AJM1: variants seen among roughly 807,000 people sequenced by gnomAD.
AJM1 encodes the protein apical junction component 1 homolog, also known as uncharacterized protein C9orf172.
AJM1 carries 22 observed loss-of-function variants against 43.0 expected under a neutral mutation model. The observed-to-expected ratio is 0.51, with a 90% confidence interval of 0.37 to 0.73. The LOEUF is 0.73. Ranked by LOEUF, AJM1 falls within the 30% of genes least tolerant of loss-of-function variation. The pLI is 0.00. For synonymous variants in AJM1, 719 were observed against 638.3 expected, an observed-to-expected ratio of 1.13 and a Z score of -1.91; for missense variants, 1,305 against 1,343.3, an observed-to-expected ratio of 0.97 and a Z score of 0.45.
chr9:136,844,347 T>TC lies in AJM1; in HGVS notation c.-59-3dup, dbSNP rs1436298911. 4 of 1,353,382 alleles carry TC rather than the reference T, an allele frequency of 3.0e-6. No individual in the cohort carries two copies. Among genetic ancestry groups the TC allele is most frequent in the Admixed American group, 3.7e-5 (2 of 53,784 alleles). The allele number at this position is 1,353,382 out of a possible 1,614,324, so 83.8% of individuals were successfully genotyped here. A position where few individuals can be genotyped will look rare whatever the true frequency, so the allele number is the denominator to read the frequency against. On this transcript the variant is annotated splice_polypyrimidine_tract_variant and intron_variant, in intron 2 of 2. Coordinates refer to ENST00000436881, the MANE Select transcript of AJM1 (RefSeq NM_001080482.5). ...GGAGGGGGCCGCCCTGACCCGCGTC[T>TC]CCCCCCAGGGCAAAAGCCCCGCAAG...
In AJM1 at chr9:136,847,235, C is replaced by T. The variant is rs748276902; in HGVS notation, c.2821C>T (p.Pro941Ser). Residue 941 changes from proline to serine, a missense_variant, in exon 3 of 3, where the codon CCC (proline) becomes TCC (serine). Around this residue, in one of 6 missense-constraint regions of AJM1, gnomAD observed 116 missense variants for 113.4 expected, o/e 1.02. Coordinates refer to ENST00000436881, the MANE Select transcript of AJM1 (RefSeq NM_001080482.5). ...GCGCTTCACGCCCACCACCATCTAC[C>T]CCACGGACCGGCGCACCGGCCGCCC... is the stretch of plus-strand genomic sequence containing the variant. Reference protein sequence around the residue: ...NRRFTPTTIYPTDRRTGRPFM... With the variant: ...NRRFTPTTIYSTDRRTGRPFM... The T allele has an allele frequency of 8.7e-6, 14 of 1,605,178 alleles. No homozygotes were observed. The highest frequency in any genetic ancestry group is 9.3e-6 in the Non-Finnish European group (11 of 1,178,606).
chr9:136,845,095 G>A lies in AJM1; in HGVS notation c.681G>A (p.Val227=), dbSNP rs1393814024. 2 of 1,365,602 alleles carry A rather than the reference G, an allele frequency of 1.5e-6. No homozygotes were observed. The highest frequency in any genetic ancestry group is 2.0e-6 in the Non-Finnish European group (2 of 977,994). The allele number at this position is 1,365,602 out of a possible 1,614,324, so 84.6% of individuals were successfully genotyped here. The change falls in exon 3 of 3, where the codon GTG becomes GTA. Residue 227 remains valine, a synonymous_variant. Transcript: ENST00000436881. Reference sequence around the variant, plus strand: ...CCCCGCAGTTCCACGGCCTCACGGTGCCCGGGCCCCGCCACATGGCGCTGT... The same window carrying A: ...CCCCGCAGTTCCACGGCCTCACGGTACCCGGGCCCCGCCACATGGCGCTGT... ...RPAPQFHGLT[V]PGPRHMALSR...
intron 1 of AJM1, among the ~76,000 whole-genome samples, chr9:136,843,131 A>G (rs1848725922): frequency 6.6e-6 from 1 of 152,146 alleles, no homozygotes; most frequent in African/African-American, 2.4e-5. Context: ...GGACCCGGCC[A>G]GACCCCGAGA....
In AJM1 at chr9:136,845,388, G is replaced by C; in HGVS notation, c.974G>C (p.Gly325Ala). Reference sequence around the variant, plus strand: ...GGGCCCAGTCCAAGGCGCATGGGCGGCTACTACGCAGGAGAGGTGCGCACC... The same window carrying C: ...GGGCCCAGTCCAAGGCGCATGGGCGCCTACTACGCAGGAGAGGTGCGCACC... ...LSGPSPRRMG[G>A]YYAGEVRTFP... Residue 325 changes from glycine (G) to alanine (A), a missense_variant, in exon 3 of 3, where the codon GGC becomes GCC. Transcript: ENST00000436881. 3 of 1,612,392 alleles carry C rather than the reference G, an allele frequency of 1.9e-6. No individual in the cohort carries two copies. The highest frequency in any genetic ancestry group is 2.5e-6 in the Non-Finnish European group (3 of 1,179,804).
rs754007423 is a variant in AJM1 at position 136,846,518 on chromosome 9, G to A, written c.2104G>A (p.Asp702Asn). Residue 702 changes from aspartate (D) to asparagine (N), a missense_variant, in exon 3 of 3, where the codon GAC (aspartate) becomes AAC (asparagine). Asp to Asn is a conservative substitution (Grantham distance 23, BLOSUM62 1). This residue lies in a region of AJM1 where 391 missense variants were observed against 507.5 expected (regional missense o/e 0.77). Coordinates refer to ENST00000436881, the MANE Select transcript of AJM1 (RefSeq NM_001080482.5). Reference protein sequence around the residue: ...YYCSRLCRREDWDAHKARCVY... With the variant: ...YYCSRLCRRENWDAHKARCVY... ...CTGCTCGCGCCTGTGCCGCCGCGAG[G>A]ACTGGGACGCCCACAAGGCGCGCTG... is the stretch of plus-strand genomic sequence containing the variant. The A allele has an allele frequency of 1.3e-6, 2 of 1,594,984 alleles. No homozygotes were observed. Among genetic ancestry groups the A allele is most frequent in the South Asian group, 1.1e-5 (1 of 90,904 alleles).
rs1345884526 is a variant in AJM1 at position 136,845,522 on chromosome 9, A to G, written c.1108A>G (p.Thr370Ala). 3 of 1,596,046 alleles carry G rather than the reference A, an allele frequency of 1.9e-6. No individual in the cohort carries two copies. The highest frequency in any genetic ancestry group is 3.5e-5 in the Admixed American group (2 of 57,422). ...CCCCGAGGAGCCCCGGGCCCACTCC[A>G]CCGCCCGCCCCTTTTACACGGAGGA... is the stretch of plus-strand genomic sequence containing the variant. The part of the protein sequence containing the change: ...YVPEEPRAHS[T>A]ARPFYTEDFG... The change falls in exon 3 of 3, where the codon ACC (threonine) becomes GCC (alanine). Residue 370 changes from threonine to alanine, a missense_variant. By Grantham distance (58) the Thr-to-Ala change is moderately conservative. This residue lies in a region of AJM1 where 653 missense variants were observed against 549.1 expected (regional missense o/e 1.19). Coordinates refer to ENST00000436881, the MANE Select transcript of AJM1 (RefSeq NM_001080482.5).
In AJM1 at chr9:136,845,254, G is replaced by A. The variant is rs769953917; in HGVS notation, c.840G>A (p.Gln280=). ...TCACCACCCCGCCGGGCCCCACCCA[G>A]TTCTTCTATACAGAGGAGCCCCAAG... is the stretch of plus-strand genomic sequence containing the variant. ...LPFTTPPGPT[Q]FFYTEEPQGF... is the part of the protein sequence containing the mutation. Residue 280 remains glutamine, a synonymous_variant, in exon 3 of 3, where the codon CAG becomes CAA. Coordinates refer to ENST00000436881, the MANE Select transcript of AJM1 (RefSeq NM_001080482.5). 25 of 1,604,424 alleles carry A rather than the reference G, an allele frequency of 1.6e-5. No homozygotes were observed. The highest frequency in any genetic ancestry group is 2.1e-5 in the Non-Finnish European group (25 of 1,179,012).
chr9:136,845,236 C>A lies in AJM1; in HGVS notation c.822C>A (p.Thr274=), dbSNP rs752492393. ...YAERRSLPFT[T]PPGPTQFFYT... ...AGCGCCGCAGTCTGCCCTTCACCAC[C>A]CCGCCGGGCCCCACCCAGTTCTTCT... The change falls in exon 3 of 3, where the codon ACC becomes ACA. Residue 274 remains threonine (T), a synonymous_variant. Coordinates refer to ENST00000436881, the MANE Select transcript of AJM1 (RefSeq NM_001080482.5). 1.6e-5 allele frequency: 25 copies of A among 1,598,156 alleles called. No homozygotes were observed. The South Asian group carries it at 1.8e-4, about 11-fold the overall frequency.
rs1241067410 is a variant in AJM1 at position 136,845,070 on chromosome 9, C to T, written c.656C>T (p.Ala219Val). Residue 219 changes from alanine (A) to valine (V), a missense_variant, in exon 3 of 3, where the codon GCC becomes GTC. Physicochemically the swap from Ala to Val is moderately conservative, Grantham distance 64 (BLOSUM62 0). This residue lies in a region of AJM1 where 653 missense variants were observed against 549.1 expected (regional missense o/e 1.19). Coordinates refer to ENST00000436881, the MANE Select transcript of AJM1 (RefSeq NM_001080482.5). The part of the protein sequence containing the change: ...PTEAAHWARP[A>V]PQFHGLTVPG... ...GAGGCCGCGCACTGGGCCCGCCCCG[C>T]CCCGCAGTTCCACGGCCTCACGGTG... The T allele has an allele frequency of 9.1e-7, 1 of 1,102,130 alleles. No individual in the cohort carries two copies. The highest frequency in any genetic ancestry group is 1.6e-5 in the African/African-American group (1 of 63,996). The allele number at this position is 1,102,130 out of a possible 1,614,324, so 68.3% of individuals were successfully genotyped here.
rs1294842994 is a variant in AJM1 at position 136,847,893 on chromosome 9, C to T, written c.*548C>T. The T allele has an allele frequency of 1.3e-5, 2 of 152,648 alleles. No homozygotes were observed. The highest frequency in any genetic ancestry group is 4.8e-5 in the African/African-American group (2 of 41,486). 9.5% of individuals were successfully genotyped at this position (152,648 alleles called of 1,614,324 possible). On this transcript the variant is annotated 3_prime_UTR_variant, in exon 3 of 3. Coordinates refer to ENST00000436881, the MANE Select transcript of AJM1 (RefSeq NM_001080482.5). ...GTCACTTTAAACACGCCCCGCCCCG[C>T]CTCCCGCGGCTGTGTTGCCTCCTCG...
In AJM1 at chr9:136,846,132, G is replaced by T; in HGVS notation, c.1718G>T (p.Arg573Leu). Residue 573 changes from arginine (R) to leucine (L), a missense_variant, in exon 3 of 3, where the codon CGC (arginine) becomes CTC (leucine). Coordinates refer to ENST00000436881, the MANE Select transcript of AJM1 (RefSeq NM_001080482.5). ...GCCCCCGACGGCCCCACCTCTGGCC[G>T]CCAGCGGAGCCTAGAGCAGCTGGAC... The part of the protein sequence containing the change: ...HAAPDGPTSG[R>L]QRSLEQLDEL... The T allele has an allele frequency of 6.5e-7, 1 of 1,528,902 alleles. No homozygotes were observed. The highest frequency in any genetic ancestry group is 1.4e-5 in the African/African-American group (1 of 71,684). 94.7% of individuals were successfully genotyped at this position (1,528,902 alleles called of 1,614,324 possible). A position where few individuals can be genotyped will look rare whatever the true frequency, so the allele number is the denominator to read the frequency against.
chr9:136,846,629 A>G lies in AJM1; in HGVS notation c.2215A>G (p.Ile739Val). 1.9e-6 allele frequency: 3 copies of G among 1,596,448 alleles called. No individual in the cohort carries two copies. The highest frequency in any genetic ancestry group is 2.5e-6 in the Non-Finnish European group (3 of 1,177,016). Residue 739 changes from isoleucine to valine, a missense_variant, in exon 3 of 3, where the codon ATC becomes GTC. Transcript: ENST00000436881. ...SGPVHRAFSR[I>V]ARVGFLSRGR... ...CCCGGTGCACCGCGCTTTCTCGCGC[A>G]TCGCGCGTGTCGGCTTCCTGTCGCG...
chr9:136,846,176 G>A lies in AJM1; in HGVS notation c.1762G>A (p.Val588Ile). 1 of 1,519,850 alleles carries A rather than the reference G, an allele frequency of 6.6e-7. No individual in the cohort carries two copies. Among genetic ancestry groups the A allele is most frequent in the Non-Finnish European group, 8.8e-7 (1 of 1,140,764 alleles). The allele number at this position is 1,519,850 out of a possible 1,614,324, so 94.1% of individuals were successfully genotyped here. ...GCTGGACGAGCTCATCACGGACCTG[G>A]TCATCGACTCGCGACCCACCGCCGG... ...EQLDELITDL[V>I]IDSRPTAGQA... Residue 588 changes from valine to isoleucine, a missense_variant, in exon 3 of 3, where the codon GTC (valine) becomes ATC (isoleucine). This residue lies in a region of AJM1 where 391 missense variants were observed against 507.5 expected (regional missense o/e 0.77). Coordinates refer to ENST00000436881, the MANE Select transcript of AJM1 (RefSeq NM_001080482.5).
chr9:136,844,005 G>A (rs1848734520), intron 1 of AJM1, among the ~76,000 whole-genome samples, 191 bp from the exon 2 acceptor site: 1 of 152,270 alleles, frequency 6.6e-6, no homozygotes, highest in African/African-American at 2.4e-5. Context: ...TACCCCACCC[G>A]GAAAGGGGTC....
At position 136,844,359 on chromosome 9, in the gene AJM1, A is replaced by T. The variant is rs1848737775; in HGVS notation, c.-56A>T. 4.8e-6 allele frequency: 7 copies of T among 1,465,680 alleles called. No homozygotes were observed. The highest frequency in any genetic ancestry group is 1.4e-5 in the African/African-American group (1 of 71,910). The allele number at this position is 1,465,680 out of a possible 1,614,324, so 90.8% of individuals were successfully genotyped here. ...CCTGACCCGCGTCTCCCCCCAGGGC[A>T]AAAGCCCCGCAAGGCAGTGTGAGCT... On this transcript the variant is annotated 5_prime_UTR_variant, in exon 3 of 3. Coordinates refer to ENST00000436881, the MANE Select transcript of AJM1 (RefSeq NM_001080482.5).
chr9:136,843,915 T>C (rs994873793), intron 1 of AJM1, among the ~76,000 whole-genome samples: 21 of 152,082 alleles, frequency 1.4e-4, no homozygotes, highest in Non-Finnish European at 2.9e-5. Context: ...GCAACACCTA[T>C]AAATAAGGCC....
At position 136,846,283 on chromosome 9, in the gene AJM1, C is replaced by T; in HGVS notation, c.1869C>T (p.Ala623=). 2 of 1,201,578 alleles carry T rather than the reference C, an allele frequency of 1.7e-6. No homozygotes were observed. Among genetic ancestry groups the T allele is most frequent in the South Asian group, 3.2e-5 (1 of 31,296 alleles). 74.4% of individuals were successfully genotyped at this position (1,201,578 alleles called of 1,614,324 possible). Residue 623 remains alanine, a synonymous_variant, in exon 3 of 3, where the codon GCC becomes GCT. Transcript: ENST00000436881. The part of the protein sequence containing the change: ...LLDSRPAGSG[A]PALAPPRSPP... ...ACTCGCGGCCCGCGGGCTCCGGGGC[C>T]CCCGCGCTGGCGCCGCCACGCTCGC... is the stretch of plus-strand genomic sequence containing the variant.
At position 136,845,076 on chromosome 9, in the gene AJM1, A is replaced by G; in HGVS notation, c.662A>G (p.Gln221Arg). Residue 221 changes from glutamine (Q) to arginine (R), a missense_variant, in exon 3 of 3, where the codon CAG becomes CGG. By Grantham distance (43) the Gln-to-Arg change is conservative. Around this residue, in one of 6 missense-constraint regions of AJM1, gnomAD observed 653 missense variants for 549.1 expected, o/e 1.19. Coordinates refer to ENST00000436881, the MANE Select transcript of AJM1 (RefSeq NM_001080482.5). ...GCGCACTGGGCCCGCCCCGCCCCGC[A>G]GTTCCACGGCCTCACGGTGCCCGGG... ...EAAHWARPAPQFHGLTVPGPR... is the reference protein window; with the variant it reads ...EAAHWARPAPRFHGLTVPGPR... 8.7e-7 allele frequency: 1 copy of G among 1,155,806 alleles called. No homozygotes were observed. The allele number at this position is 1,155,806 out of a possible 1,614,324, so 71.6% of individuals were successfully genotyped here. A position where few individuals can be genotyped will look rare whatever the true frequency, so the allele number is the denominator to read the frequency against.
chr9:136,847,608 T>G lies in AJM1; in HGVS notation c.*263T>G. 2 of 378,898 alleles carry G rather than the reference T, an allele frequency of 5.3e-6. No homozygotes were observed. Among genetic ancestry groups the G allele is most frequent in the Middle Eastern group, 6.6e-4 (1 of 1,520 alleles). The allele number at this position is 378,898 out of a possible 1,614,324, so 23.5% of individuals were successfully genotyped here. On this transcript the variant is annotated 3_prime_UTR_variant, in exon 3 of 3. Coordinates refer to ENST00000436881, the MANE Select transcript of AJM1 (RefSeq NM_001080482.5). ...GCCTTCCCACCCCCAGCAACCCCTC[T>G]CCCTCCTCCGGGCCTCCTCCCTCTC...
Sources: allele counts gnomAD v4.1 joint callset (sites outside exome capture counted in the v4.1 genomes callset), GRCh38; gene constraint gnomAD v4.1.1; regional missense constraint gnomAD v4.1.1; transcripts MANE v1.5; gene names NCBI Gene and HGNC (gene_info 2026-07-23, HGNC 2026-07-21).